The following CES5A variants were observed in gnomAD, a reference collection of about 807,000 sequenced individuals.
The protein encoded by CES5A is carboxylesterase 5A.
A neutral mutation model predicts 62.9 loss-of-function variants in CES5A; 67 were observed. The observed-to-expected ratio is 1.07, with a 90% CI of 0.88 to 1.31. CES5A has a LOEUF of 1.31. Among genes scored for constraint, CES5A ranks in the 50% most tolerant of loss-of-function variants. The pLI, the probability that CES5A is intolerant of heterozygous loss-of-function variation, is 0.00. For synonymous variants in CES5A, 296 were observed against 280.8 expected, an observed-to-expected ratio of 1.05 and a Z score of -0.54; for missense variants, 748 against 708.5, an observed-to-expected ratio of 1.06 and a Z score of -0.63.
At chr16:55,879,632 G>A (rs1421516744), upstream of CES5A, among the ~76,000 whole-genome samples, 2 of 151,870 alleles carry the variant, frequency 1.3e-5, no homozygotes, top group Non-Finnish European at 2.9e-5. Flanking sequence ...TTCTTTTTGA[G>A]ACAGTGTCTC....
At chr16:55,888,931 C>T (rs1276646204) in intron 1 of CES5A, among the ~76,000 whole-genome samples, 7 of 152,096 alleles carry the variant, frequency 4.6e-5, no homozygotes, top group African/African-American at 1.7e-4. Context: ...TCACTTTGCA[C>T]CCTCAGTGAC....
At chr16:55,884,528 C>T (rs150801096) in intron 1 of CES5A, among the ~76,000 whole-genome samples, 15 of 152,288 alleles carry the variant, frequency 9.8e-5, no homozygotes, top group South Asian at 4.1e-4. Context: ...CCCAGTTCTA[C>T]GGCCACCTCT....
At chr16:55,928,381 C>T (rs1448332228), upstream of CES5A, among the ~76,000 whole-genome samples, 1 of 152,068 alleles carries the variant, frequency 6.6e-6, no homozygotes, top group African/African-American at 2.4e-5. Flanking sequence ...TTTGCAAAGG[C>T]ATACAAAGTG....
chr16:55,897,570 C>T (rs1175732961), intron 1 of CES5A, among the ~76,000 whole-genome samples: 5 of 152,134 alleles, frequency 3.3e-5, no homozygotes, highest in African/African-American at 1.2e-4. Flanking sequence ...GGATCAGAGA[C>T]ACACCCCCAG....
chr16:55,913,411 G>T (rs1480001418), intron 1 of CES5A, among the ~76,000 whole-genome samples: 2 of 152,162 alleles, frequency 1.3e-5, no homozygotes, highest in Admixed American at 1.3e-4. Flanking sequence ...GGAGGTTCAG[G>T]CTCTTGGAGC....
At chr16:55,950,309 T>C (rs1302088854) in intron 1 of CES5A, among the ~76,000 whole-genome samples, 3 of 152,258 alleles carry the variant, frequency 2.0e-5, no homozygotes, top group African/African-American at 4.8e-5. Flanking sequence ...AAGAACTAAA[T>C]TTAACAAACT....
chr16:55,949,982 C>T (rs988535746), intron 1 of CES5A: 7 of 538,882 alleles, frequency 1.3e-5, no homozygotes, highest in African/African-American at 2.0e-5. Context: ...ACCAATACAG[C>T]ATATAAGTAA....
At chr16:55,861,540 T>C in intron 6 of CES5A, 24 bp from the exon 7 acceptor site, 1 of 1,518,678 alleles carries the variant, frequency 6.6e-7, no homozygotes, top group Non-Finnish European at 9.1e-7. Context: ...AAGGACCGGG[T>C]TAGAGCATGA....
At chr16:55,855,996 A>AGT (rs1464857392) in intron 9 of CES5A, among the ~76,000 whole-genome samples, 1 of 152,080 alleles carries the variant, frequency 6.6e-6, no homozygotes, top group Non-Finnish European at 1.5e-5. Context: ...GTTGTTTAAA[A>AGT]GTGTGTGGCA....
chr16:55,927,479 G>C (rs1231413751), upstream of CES5A, among the ~76,000 whole-genome samples: 24 of 152,154 alleles, frequency 1.6e-4, no homozygotes. Context: ...TTTCTCAAAA[G>C]AGAATATACA....
chr16:55,922,788 G>C (rs181733828), intron 1 of CES5A, among the ~76,000 whole-genome samples: 53 of 151,946 alleles, frequency 3.5e-4, no homozygotes, highest in Non-Finnish European at 6.0e-4. Flanking sequence ...CTATATATCA[G>C]GTGATAAAAC....
In CES5A at chr16:55,852,881, C is replaced by T; in HGVS notation, c.1273G>A (p.Asp425Asn). Residue 425 changes from aspartate (D) to asparagine (N), a missense_variant and splice_region_variant, in exon 10 of 13, where the codon GAT becomes AAT. Asp to Asn is a conservative substitution (Grantham distance 23). Transcript: ENST00000290567. ...TGGAGCGGGATGCTCAGATACTCAC[C>T]TCTGTGATATCGAGCTGTGATCAGT... ...PALITARYHR[D>N]AGAPVYFYEF... The T allele has an allele frequency of 6.2e-7, 1 of 1,612,426 alleles. No individual in the cohort carries two copies. Among genetic ancestry groups the T allele is most frequent in the Middle Eastern group, 1.8e-4 (1 of 5,520 alleles).
At chr16:55,892,051 C>A (rs561553738) in intron 1 of CES5A, among the ~76,000 whole-genome samples, 2 of 152,094 alleles carry the variant, frequency 1.3e-5, no homozygotes, top group East Asian at 1.9e-4. Context: ...AGTCTAGCAC[C>A]TTTTAAAGGC....
At chr16:55,935,734 C>T (rs183039605) in intron 2 of CES5A, among the ~76,000 whole-genome samples, 26 of 151,966 alleles carry the variant, frequency 1.7e-4, no homozygotes, top group Non-Finnish European at 5.9e-5. Flanking sequence ...TGTGTAACTT[C>T]TTTGCCAGTG....
intron 4 of CES5A, among the ~76,000 whole-genome samples, chr16:55,868,699 G>A (rs538941092): frequency 6.6e-6 from 1 of 152,226 alleles, no homozygotes; most frequent in South Asian, 2.1e-4. Flanking sequence ...ACAGTGACCC[G>A]CAAGCATAAT....
At chr16:55,945,432 A>T (rs1392084696) in intron 2 of CES5A, among the ~76,000 whole-genome samples, 2 of 152,238 alleles carry the variant, frequency 1.3e-5, no homozygotes, top group South Asian at 2.1e-4. Context: ...AGCTAAACAA[A>T]GGTACCAAGG....
intron 1 of CES5A, among the ~76,000 whole-genome samples, chr16:55,899,144 G>T (rs1314110345): frequency 6.6e-6 from 1 of 152,138 alleles, no homozygotes; most frequent in African/African-American, 2.4e-5. Flanking sequence ...TTCTGTTTAA[G>T]TGCCTGCCCT....
At chr16:55,910,094 G>A (rs1342886763) in intron 1 of CES5A, among the ~76,000 whole-genome samples, 1 of 152,150 alleles carries the variant, frequency 6.6e-6, no homozygotes. Context: ...TGTGTGAGAA[G>A]GGACACCTGC....
intron 2 of CES5A, among the ~76,000 whole-genome samples, chr16:55,930,879 T>A (rs1433468816): frequency 1.3e-5 from 2 of 152,110 alleles, no homozygotes; most frequent in Middle Eastern, 6.3e-3. Context: ...ATGGAGGAGA[T>A]GCATAAGAGC....
Sources: gnomAD v4.1 joint callset for allele counts (sites outside exome capture counted in the v4.1 genomes callset) on GRCh38, gnomAD v4.1.1 for gene constraint, MANE v1.5 for transcripts, NCBI Gene and HGNC (gene_info 2026-07-23, HGNC 2026-07-21) for gene names.